ELAVL2: variants seen among roughly 807,000 people sequenced by gnomAD.
ELAVL2 encodes ELAV like RNA binding protein 2.
Under a neutral mutation model 34.6 loss-of-function variants are expected in ELAVL2, and 4 were observed. That is an observed-to-expected ratio of 0.12 (90% CI 0.06 to 0.26). ELAVL2 has a LOEUF of 0.26. ELAVL2 is among the 10% of genes least tolerant of loss of function. The pLI is 1.00. For synonymous variants in ELAVL2, 193 were observed against 154.8 expected (o/e 1.25, Z -1.83); for missense variants, 432 against 442.8 (o/e 0.98, Z 0.22).
chr9:23,771,400 C>G (rs1159700490), intron 1 of ELAVL2, among the ~76,000 whole-genome samples: 1 of 151,576 alleles, frequency 6.6e-6, no homozygotes, highest in Non-Finnish European at 1.5e-5. Context: ...ACAGTTGTGC[C>G]TTAAAAGAAA....
At chr9:23,701,324 C>G (rs1025746318) in intron 5 of ELAVL2, 55 bp downstream of exon 5, 1 of 1,580,344 alleles carries the variant, frequency 6.3e-7, no homozygotes, top group Non-Finnish European at 8.7e-7. Flanking sequence ...GGACAGTAAA[C>G]CTGAGTATTC....
At chr9:23,779,746 C>T (rs1403043377) in intron 1 of ELAVL2, among the ~76,000 whole-genome samples, 32 of 151,756 alleles carry the variant, frequency 2.1e-4, no homozygotes, top group Admixed American at 2.0e-3. Flanking sequence ...TTTCACAGCG[C>T]GGAAAGTTTC....
chr9:23,846,093 T>G, the ELAVL2 span, among the ~76,000 whole-genome samples: 1 of 151,974 alleles, frequency 6.6e-6, no homozygotes, highest in African/African-American at 2.4e-5. Context: ...TCCAAAGATT[T>G]TATAAACAAA....
chr9:23,696,429 T>G (rs143516313), intron 5 of ELAVL2, among the ~76,000 whole-genome samples: 100 of 152,264 alleles, frequency 6.6e-4, no homozygotes, highest in African/African-American at 2.3e-3. Flanking sequence ...CCTAGAAATA[T>G]GTCTGCTGGG....
At chr9:23,710,366 A>G (rs2040592350) in intron 3 of ELAVL2, among the ~76,000 whole-genome samples, 1 of 152,238 alleles carries the variant, frequency 6.6e-6, no homozygotes, top group Admixed American at 6.5e-5. Flanking sequence ...ATCCCAGTGC[A>G]TCACTATCAG....
At chr9:23,747,593 TAGA>T (rs2050814139) in intron 2 of ELAVL2, among the ~76,000 whole-genome samples, 1 of 152,072 alleles carries the variant, frequency 6.6e-6, no homozygotes, top group African/African-American at 2.4e-5. Flanking sequence ...GCTCCAGAGG[TAGA>T]AGACCTTCCT....
chr9:23,722,401 C>T (rs145050651), intron 3 of ELAVL2, among the ~76,000 whole-genome samples: 2 of 152,326 alleles, frequency 1.3e-5, no homozygotes, highest in East Asian at 3.9e-4. Flanking sequence ...CACTTATCTG[C>T]TAAGTATGAC....
chr9:23,786,630 AC>A (rs2059709437), intron 1 of ELAVL2, among the ~76,000 whole-genome samples: 1 of 152,140 alleles, frequency 6.6e-6, no homozygotes, highest in Non-Finnish European at 1.5e-5. Flanking sequence ...TCAGAAAGTT[AC>A]CCTGAAGCTA....
At chr9:23,770,895 A>T (rs2057182471) in intron 1 of ELAVL2, among the ~76,000 whole-genome samples, 1 of 152,246 alleles carries the variant, frequency 6.6e-6, no homozygotes, top group African/African-American at 2.4e-5. Flanking sequence ...GAGACCTGCC[A>T]GTGCAAAGCT....
intron 5 of ELAVL2, among the ~76,000 whole-genome samples, chr9:23,701,072 C>G (rs890542637): frequency 6.6e-6 from 1 of 152,144 alleles, no homozygotes; most frequent in Non-Finnish European, 1.5e-5. Flanking sequence ...AGTAGCACCC[C>G]CACAGGTTGT....
chr9:23,757,824 C>T (rs1363726869), intron 2 of ELAVL2, among the ~76,000 whole-genome samples: 1 of 152,070 alleles, frequency 6.6e-6, no homozygotes, highest in South Asian at 2.1e-4. Context: ...TCTTAATGTA[C>T]TTCCCTAATC....
intron 1 of ELAVL2, among the ~76,000 whole-genome samples, chr9:23,820,319 C>T (rs1588837597): frequency 6.6e-6 from 1 of 152,220 alleles, no homozygotes; most frequent in South Asian, 2.1e-4. Flanking sequence ...AGGAATAGGG[C>T]CACTAGAAAA....
chr9:23,709,551 G>T lies in ELAVL2; in HGVS notation c.334-4480C>A, dbSNP rs140227166. On this transcript the variant is annotated intron_variant, in intron 3 of 6. Coordinates refer to ENST00000397312, the MANE Select transcript of ELAVL2 (RefSeq NM_004432.5). The stretch of plus-strand genomic sequence containing the variant: ...TTCAGAAAGTGTTAAGTATCTTTTT[G>T]GTTCTACAAGACTAAACTCCCTTGA... Among the ~76,000 whole-genome samples the T allele has an allele frequency of 5.0e-3, 766 of 151,758 alleles. 4 individuals carry two copies. The highest frequency in any genetic ancestry group is 7.9e-3 in the Non-Finnish European group (539 of 67,912).
chr9:23,847,650 T>C, the ELAVL2 span, among the ~76,000 whole-genome samples: 3 of 152,194 alleles, frequency 2.0e-5, no homozygotes, highest in Non-Finnish European at 1.5e-5. Flanking sequence ...AAAATGTTTG[T>C]ATTTTGTAGA....
chr9:23,821,002 C>A (rs1266853461), intron 1 of ELAVL2, among the ~76,000 whole-genome samples: 2 of 152,216 alleles, frequency 1.3e-5, no homozygotes, highest in African/African-American at 4.8e-5. Flanking sequence ...CACCTCCGCA[C>A]ACAACGCGGC....
chr9:23,816,330 AAAAAAAAAAAAAAAAAG>A (rs2063709447), intron 1 of ELAVL2, among the ~76,000 whole-genome samples: 2 of 148,524 alleles, frequency 1.3e-5, no homozygotes, highest in African/African-American at 4.9e-5. Flanking sequence ...AAAAAAAAAA[AAAAAAAAAAAAAAAAAG>A]GGGATAAAAA....
At chr9:23,725,178 C>G (rs2044765107) in intron 3 of ELAVL2, among the ~76,000 whole-genome samples, 1 of 152,094 alleles carries the variant, frequency 6.6e-6, no homozygotes, top group Non-Finnish European at 1.5e-5. Context: ...AGGTCAATCC[C>G]AACACTACTC....
At chr9:23,697,970 C>A (rs2035846366) in intron 5 of ELAVL2, among the ~76,000 whole-genome samples, 1 of 151,844 alleles carries the variant, frequency 6.6e-6, no homozygotes, top group Non-Finnish European at 1.5e-5. Flanking sequence ...TAGATGGTAT[C>A]ATCTGTCCTC....
intron 1 of ELAVL2, among the ~76,000 whole-genome samples, chr9:23,767,508 C>T (rs958376215): frequency 1.3e-5 from 2 of 152,148 alleles, no homozygotes; most frequent in African/African-American, 4.8e-5. Flanking sequence ...AGGCCAGACT[C>T]GGCGGCTCAC....
Sources: gnomAD v4.1 joint callset for allele counts (sites outside exome capture counted in the v4.1 genomes callset) on GRCh38, gnomAD v4.1.1 for gene constraint, MANE v1.5 for transcripts, NCBI Gene and HGNC (gene_info 2026-07-23, HGNC 2026-07-21) for gene names.